Variants in RBMS3 observed in about 807,000 individuals in gnomAD.
The protein encoded by RBMS3 is RNA binding motif single stranded interacting protein 3.
RBMS3 carries 27 observed loss-of-function variants against 66.8 expected under a neutral mutation model. The observed-to-expected ratio is 0.40, with a 90% confidence interval of 0.30 to 0.56. The LOEUF (loss-of-function observed/expected upper bound fraction) is 0.56, where lower values mean the gene tolerates loss of function less well. Ranked by LOEUF, RBMS3 falls within the 20% of genes least tolerant of loss-of-function variation. The pLI, the probability that RBMS3 is intolerant of heterozygous loss-of-function variation, is 0.40. For missense variants in RBMS3, 513 were observed against 549.5 expected, an observed-to-expected ratio of 0.93 and a Z score of 0.66; for synonymous variants, 188 against 183.0, an observed-to-expected ratio of 1.03 and a Z score of -0.22.
intron 6 of RBMS3, among the ~76,000 whole-genome samples, chr3:29,828,661 C>G (rs989067007): frequency 6.6e-6 from 1 of 152,062 alleles, no homozygotes; most frequent in South Asian, 2.1e-4. Flanking sequence ...TCACATTTCT[C>G]TAGATGGGTA....
At chr3:29,746,672 A>G (rs1401336403) in intron 5 of RBMS3, among the ~76,000 whole-genome samples, 1 of 151,998 alleles carries the variant, frequency 6.6e-6, no homozygotes, top group Non-Finnish European at 1.5e-5. Flanking sequence ...TGAACATTCT[A>G]TTTTCTTTTT....
At chr3:29,996,414 G>A (rs12054072) in intron 14 of RBMS3, among the ~76,000 whole-genome samples, 2,146 of 148,964 alleles carry the variant, frequency 0.014, 101 homozygotes, top group East Asian at 0.13. Flanking sequence ...TGCACCAAGC[G>A]GACCTAATAG....
intron 4 of RBMS3, among the ~76,000 whole-genome samples, chr3:29,605,394 G>T (rs1191964576): frequency 6.6e-6 from 1 of 151,744 alleles, no homozygotes; most frequent in Non-Finnish European, 1.5e-5. Flanking sequence ...TAATACTATG[G>T]AAATTCCTTT....
intron 4 of RBMS3, among the ~76,000 whole-genome samples, chr3:29,634,295 G>C (rs565687145): frequency 2.6e-5 from 4 of 151,888 alleles, no homozygotes; most frequent in African/African-American, 9.6e-5. Flanking sequence ...TGTTAATATG[G>C]ACACATTTCT....
intron 3 of RBMS3, among the ~76,000 whole-genome samples, chr3:29,562,936 G>A (rs893397076): frequency 9.9e-5 from 15 of 152,150 alleles, no homozygotes; most frequent in African/African-American, 3.6e-4. Flanking sequence ...GCTTAAAGAT[G>A]CCACTTAAAG....
chr3:29,983,865 T>C (rs1245812714), intron 12 of RBMS3, among the ~76,000 whole-genome samples: 1 of 152,148 alleles, frequency 6.6e-6, no homozygotes, highest in African/African-American at 2.4e-5. Context: ...ATTTCAACCT[T>C]GGTGAATCTG....
chr3:29,699,882 A>G (rs7630975), intron 4 of RBMS3, among the ~76,000 whole-genome samples: 18,318 of 152,118 alleles, frequency 0.12, 2,384 homozygotes, highest in African/African-American at 0.32. Context: ...AGGCAGGACA[A>G]GAAAGCCACT....
At chr3:29,849,096 C>G (rs1480239227) in intron 6 of RBMS3, among the ~76,000 whole-genome samples, 1 of 151,612 alleles carries the variant, frequency 6.6e-6, no homozygotes, top group Non-Finnish European at 1.5e-5. Context: ...CAGGTCTATT[C>G]CATTTTTGAA....
At chr3:29,762,438 T>C (rs1171294391) in intron 5 of RBMS3, among the ~76,000 whole-genome samples, 1 of 152,196 alleles carries the variant, frequency 6.6e-6, no homozygotes, top group Admixed American at 6.5e-5. Context: ...GCTTAGTAGC[T>C]ATAGCACAGG....
At chr3:29,666,808 T>C (rs573316183) in intron 4 of RBMS3, among the ~76,000 whole-genome samples, 2 of 152,324 alleles carry the variant, frequency 1.3e-5, no homozygotes, top group East Asian at 3.9e-4. Flanking sequence ...ATAATTTTAA[T>C]ATTTAGCATG....
intron 1 of RBMS3, among the ~76,000 whole-genome samples, chr3:29,348,721 A>G (rs1040917920): frequency 1.3e-5 from 2 of 152,140 alleles, no homozygotes; most frequent in Admixed American, 6.5e-5. Flanking sequence ...CTGAGCTCCA[A>G]TTTCCTCCTT....
intron 6 of RBMS3, among the ~76,000 whole-genome samples, chr3:29,787,288 A>G (rs1277670685): frequency 2.0e-5 from 3 of 152,178 alleles, no homozygotes; most frequent in African/African-American, 4.8e-5. Context: ...TCCTTAAAGA[A>G]CTAAAAGTAG....
chr3:29,879,176 T>G lies in RBMS3; in HGVS notation c.745-4986T>G, dbSNP rs1436031579. 5.3e-5 allele frequency among the ~76,000 whole-genome samples: 8 copies of G among 152,238 alleles called. No homozygotes were observed. In the East Asian group the frequency reaches 1.5e-3, roughly 29 times the overall value. The stretch of plus-strand genomic sequence containing the variant: ...AGTTTTATTTCCAGTCAGAGATATT[T>G]AAAATATTTGCTTTCAACACATATT... On this transcript the variant is annotated intron_variant, in intron 7 of 14. Transcript: ENST00000383767.
At chr3:29,597,541 T>A (rs2047991101) in intron 4 of RBMS3, among the ~76,000 whole-genome samples, 1 of 152,180 alleles carries the variant, frequency 6.6e-6, no homozygotes, top group South Asian at 2.1e-4. Context: ...ACTTTTTAAC[T>A]GCTATTTGAA....
chr3:29,349,929 GTGGGCAGATCACCTGAGGT>G (rs2036805147), intron 1 of RBMS3, among the ~76,000 whole-genome samples: 1 of 152,120 alleles, frequency 6.6e-6, no homozygotes, highest in Admixed American at 6.5e-5. Flanking sequence ...GGAGGCCAAG[GTGGGCAGATCACCTGAGGT>G]TGGGAGTTCG....
At chr3:29,694,758 C>T (rs2052186104) in intron 4 of RBMS3, among the ~76,000 whole-genome samples, 1 of 151,716 alleles carries the variant, frequency 6.6e-6, no homozygotes, top group East Asian at 1.9e-4. Flanking sequence ...GAGGAGGAAG[C>T]ATAAAAAAAT....
intron 2 of RBMS3, among the ~76,000 whole-genome samples, chr3:29,445,645 T>A (rs1290583865): frequency 6.6e-6 from 1 of 152,170 alleles, no homozygotes; most frequent in Non-Finnish European, 1.5e-5. Context: ...TCTGTGTATT[T>A]GGCATAATAA....
At chr3:29,866,698 A>G (rs2059371393) in intron 6 of RBMS3, among the ~76,000 whole-genome samples, 1 of 152,204 alleles carries the variant, frequency 6.6e-6, no homozygotes, top group Non-Finnish European at 1.5e-5. Flanking sequence ...TAGGTTTTTC[A>G]TCTGGAATCA....
intron 1 of RBMS3, among the ~76,000 whole-genome samples, chr3:29,324,854 C>T (rs2035226747): frequency 6.6e-6 from 1 of 152,052 alleles, no homozygotes. Flanking sequence ...CTCTCCTCTT[C>T]CTTTACTCTC....
Sources: gnomAD v4.1 joint callset for allele counts (sites outside exome capture counted in the v4.1 genomes callset) on GRCh38, gnomAD v4.1.1 for gene constraint, MANE v1.5 for transcripts, NCBI Gene and HGNC (gene_info 2026-07-23, HGNC 2026-07-21) for gene names.